The following DKK3 variants were observed in gnomAD, a reference collection of about 807,000 sequenced individuals.
The protein encoded by DKK3 is dickkopf-related protein 3.
DKK3 carries 22 observed loss-of-function variants against 33.2 expected under a neutral mutation model. The observed-to-expected ratio is 0.66, with a 90% CI of 0.47 to 0.95. The LOEUF (loss-of-function observed/expected upper bound fraction) is 0.95. DKK3 is among the 40% of genes least tolerant of loss of function. The pLI is 0.00. For missense variants in DKK3, 398 were observed against 458.4 expected (o/e 0.87, Z 1.20); for synonymous variants, 194 against 188.8 (o/e 1.03, Z -0.23).
chr11:11,996,791 T>C (rs1445266620), intron 3 of DKK3, among the ~76,000 whole-genome samples: 1 of 152,198 alleles, frequency 6.6e-6, no homozygotes, highest in Admixed American at 6.5e-5. Context: ...GGGGTTCGGA[T>C]TCTGCCCTGC....
At chr11:12,009,132 A>T (rs1173159985), upstream of DKK3, 1 of 983,488 alleles carries the variant, frequency 1.0e-6, no homozygotes, top group Non-Finnish European at 1.2e-6. Context: ...GGCTGAGCTC[A>T]GCAGAGTCGT....
chr11:11,972,893 G>A (rs1304029651), intron 3 of DKK3, among the ~76,000 whole-genome samples: 9 of 151,262 alleles, frequency 5.9e-5, no homozygotes. Flanking sequence ...TTTTAAAGGG[G>A]CCTCAGCACC....
chr11:11,991,418 T>A (rs1485997605), intron 3 of DKK3, among the ~76,000 whole-genome samples: 2 of 152,184 alleles, frequency 1.3e-5, no homozygotes, highest in Non-Finnish European at 2.9e-5. Flanking sequence ...AGTTCCCATG[T>A]GTTCTGATTG....
At chr11:11,969,049 G>A (rs1456286383) in intron 3 of DKK3, among the ~76,000 whole-genome samples, 2 of 152,160 alleles carry the variant, frequency 1.3e-5, no homozygotes, top group Non-Finnish European at 2.9e-5. Flanking sequence ...TGAATTAGAG[G>A]AGGGTGGCTG....
intron 3 of DKK3, chr11:11,998,487 T>G: frequency 1.6e-6 from 1 of 625,162 alleles, no homozygotes; most frequent in Non-Finnish European, 2.9e-6. Context: ...TTATCTGTTG[T>G]TTCTGATGCC....
chr11:11,964,731 G>T, intron 6 of DKK3, 45 bp from the exon 7 acceptor site: 2 of 1,581,312 alleles, frequency 1.3e-6, no homozygotes, highest in Non-Finnish European at 1.7e-6. Flanking sequence ...GTGGGAGCCT[G>T]CCCAGGCCGA....
At chr11:11,999,089 TTCTA>T (rs1384187859) in intron 2 of DKK3, among the ~76,000 whole-genome samples, 3 of 152,178 alleles carry the variant, frequency 2.0e-5, no homozygotes, top group Non-Finnish European at 4.4e-5. Context: ...TGTCAGCTGT[TTCTA>T]TCTTTCTTGG....
intron 3 of DKK3, among the ~76,000 whole-genome samples, chr11:11,981,098 G>C (rs1371499540): frequency 6.6e-6 from 1 of 152,234 alleles, no homozygotes; most frequent in Non-Finnish European, 1.5e-5. Flanking sequence ...TCCTAGCAGA[G>C]CACTTGGCTC....
chr11:11,968,916 G>C (rs1847663184), intron 3 of DKK3, among the ~76,000 whole-genome samples: 1 of 152,264 alleles, frequency 6.6e-6, no homozygotes, highest in Admixed American at 6.5e-5. Context: ...AAGACTGGGA[G>C]GCAGCAGAGG....
chr11:12,002,200 G>T, intron 2 of DKK3, 100 bp downstream of exon 2: 2 of 1,251,956 alleles, frequency 1.6e-6, no homozygotes, highest in South Asian at 1.9e-5. Context: ...ATTGTAGTTT[G>T]GGCTTGTATA....
intron 5 of DKK3, among the ~76,000 whole-genome samples, chr11:11,966,186 G>A (rs1158242152): frequency 6.6e-6 from 1 of 152,190 alleles, no homozygotes; most frequent in Non-Finnish European, 1.5e-5. Flanking sequence ...TGGAAGAGGT[G>A]GGCTTCTGCT....
chr11:11,977,825 C>T (rs1240020052), intron 3 of DKK3, among the ~76,000 whole-genome samples: 3 of 152,222 alleles, frequency 2.0e-5, no homozygotes, highest in Admixed American at 6.5e-5. Flanking sequence ...TCCATGGCTC[C>T]TTATTCCACT....
intron 1 of DKK3, among the ~76,000 whole-genome samples, chr11:12,007,779 G>A (rs1848568095): frequency 6.6e-6 from 1 of 152,188 alleles, no homozygotes; most frequent in Non-Finnish European, 1.5e-5. Flanking sequence ...ACCGTTGGGT[G>A]GAGGGGGTAT....
At chr11:11,988,997 G>A (rs1180539917) in intron 3 of DKK3, among the ~76,000 whole-genome samples, 2 of 152,176 alleles carry the variant, frequency 1.3e-5, no homozygotes, top group Non-Finnish European at 1.5e-5. Context: ...CAGGAATTTT[G>A]AGACAGTCCT....
upstream of DKK3, chr11:12,008,774 C>G (rs1402415756): frequency 3.4e-6 from 4 of 1,189,402 alleles, no homozygotes; most frequent in African/African-American, 6.4e-5. The surrounding 1 kb of genome is among the most constrained non-coding windows in gnomAD (Gnocchi z 4.6). Context: ...CCCCTACACC[C>G]GAAAAGACGC....
intron 3 of DKK3, among the ~76,000 whole-genome samples, chr11:11,982,059 G>C (rs192922442): frequency 6.6e-6 from 1 of 152,124 alleles, no homozygotes. Flanking sequence ...CATTGCCCCC[G>C]GTGATGCTGG....
chr11:11,965,940 G>C lies in DKK3; in HGVS notation c.699C>G (p.Pro233=). The change falls in exon 6 of 7, where the codon CCC becomes CCG. Residue 233 remains proline (P), a synonymous_variant. Coordinates refer to ENST00000683431, the MANE Select transcript of DKK3 (RefSeq NM_001018057.2). The part of the protein sequence containing the change: ...QRGLLFPVCT[P]LPVEGELCHD... ...GGCAAAGCTCGCCCTCCACGGGCAG[G>C]GGTGTGCACACAGGGAACAGCAGGC... 1 of 1,613,392 alleles carries C rather than the reference G, an allele frequency of 6.2e-7. No homozygotes were observed. Among genetic ancestry groups the C allele is most frequent in the Non-Finnish European group, 8.5e-7 (1 of 1,179,934 alleles).
intron 3 of DKK3, among the ~76,000 whole-genome samples, chr11:11,975,427 A>G (rs1290999139): frequency 6.6e-6 from 1 of 152,306 alleles, no homozygotes; most frequent in East Asian, 1.9e-4. Context: ...TGGGTGGGGC[A>G]TGTTATCTGT....
intron 6 of DKK3, among the ~76,000 whole-genome samples, chr11:11,965,051 G>A (rs751734816): frequency 7.2e-5 from 11 of 152,204 alleles, no homozygotes; most frequent in Admixed American, 1.3e-4. Context: ...ACTCTGGGGT[G>A]TAGTCTAGCC....
Sources: gnomAD v4.1 joint callset for allele counts (sites outside exome capture counted in the v4.1 genomes callset) on GRCh38, gnomAD v4.1.1 for gene constraint, Gnocchi (gnomAD v3.1) non-coding constraint, MANE v1.5 for transcripts, NCBI Gene and HGNC (gene_info 2026-07-23, HGNC 2026-07-21) for gene names.